GPC6: variants seen among roughly 807,000 people sequenced by gnomAD.
GPC6 encodes glypican 6, also known as glypican-6.
A neutral mutation model predicts 55.2 loss-of-function variants in GPC6; 14 were observed. The observed-to-expected ratio is 0.25, with a 90% CI of 0.17 to 0.40. The LOEUF (loss-of-function observed/expected upper bound fraction) is 0.40. GPC6 is among the 10% of genes least tolerant of loss of function. The probability of loss-of-function intolerance (pLI) is 1.00; values close to 1 mark genes in which losing one functional copy is unlikely to be tolerated. For synonymous variants in GPC6, 278 were observed against 259.6 expected, an observed-to-expected ratio of 1.07 and a Z score of -0.68; for missense variants, 641 against 708.5, an observed-to-expected ratio of 0.90 and a Z score of 1.08.
intron 3 of GPC6, among the ~76,000 whole-genome samples, chr13:94,011,072 C>T (rs1293830761): frequency 2.0e-5 from 3 of 152,076 alleles, no homozygotes; most frequent in Non-Finnish European, 4.4e-5. Context: ...TATGCAATAA[C>T]GCATTCTCAT....
At position 93,596,610 on chromosome 13, in the gene GPC6, A is replaced by T. The variant is rs9524140; in HGVS notation, c.319+51189A>T. 5.3e-3 allele frequency among the ~76,000 whole-genome samples: 708 copies of T among 132,778 alleles called. 4 individuals are homozygous for T. The highest frequency in any genetic ancestry group is 0.015 in the Middle Eastern group (4 of 264). 87.1% of individuals were successfully genotyped at this position (132,778 alleles called of 152,430 possible). On this transcript the variant is annotated intron_variant, in intron 2 of 8. Coordinates refer to ENST00000377047, the MANE Select transcript of GPC6 (RefSeq NM_005708.5). The stretch of plus-strand genomic sequence containing the variant: ...TGTGAAATAAATAAATAAATAAATA[A>T]ATATATATATATATATATATATATA...
chr13:93,503,527 C>T (rs923046628), intron 1 of GPC6, among the ~76,000 whole-genome samples: 11 of 152,186 alleles, frequency 7.2e-5, no homozygotes, highest in African/African-American at 2.4e-4. Flanking sequence ...GATTTTTCCT[C>T]TAGGTCAGTG....
chr13:94,090,087 A>AAG (rs3043343), intron 4 of GPC6, among the ~76,000 whole-genome samples: 150,930 of 152,198 alleles, frequency 0.99, 74,848 homozygotes, highest in East Asian at 1. Flanking sequence ...TATAAAGAAA[A>AAG]AGGTTTAATG....
chr13:94,257,119 T>C (rs1160902822), intron 4 of GPC6, among the ~76,000 whole-genome samples: 1 of 152,214 alleles, frequency 6.6e-6, no homozygotes, highest in East Asian at 1.9e-4. Flanking sequence ...TTGTTCTCTT[T>C]TTAGTTTTTA....
intron 3 of GPC6, among the ~76,000 whole-genome samples, chr13:93,938,846 G>A (rs1878574745): frequency 6.6e-6 from 1 of 152,214 alleles, no homozygotes; most frequent in Non-Finnish European, 1.5e-5. Flanking sequence ...GCTCACGCCT[G>A]TAATCCCAGC....
At chr13:93,686,121 G>A (rs974985367) in intron 2 of GPC6, among the ~76,000 whole-genome samples, 4 of 151,884 alleles carry the variant, frequency 2.6e-5, no homozygotes, top group African/African-American at 9.7e-5. Flanking sequence ...ATCTTATATT[G>A]TGTCCTATAT....
chr13:93,953,320 T>A (rs907656007), intron 3 of GPC6, among the ~76,000 whole-genome samples: 1 of 152,152 alleles, frequency 6.6e-6, no homozygotes, highest in Non-Finnish European at 1.5e-5. Context: ...CTTCATATTG[T>A]CATCTTTATC....
chr13:94,041,025 A>G (rs1463978329), intron 4 of GPC6, among the ~76,000 whole-genome samples: 1 of 151,840 alleles, frequency 6.6e-6, no homozygotes, highest in African/African-American at 2.4e-5. Context: ...ATTGATTCCT[A>G]TCCATTTTGA....
intron 2 of GPC6, among the ~76,000 whole-genome samples, chr13:93,751,229 G>A (rs542300703): frequency 3.9e-5 from 6 of 152,266 alleles, no homozygotes; most frequent in African/African-American, 1.4e-4. Flanking sequence ...TGTATGGAGT[G>A]GAGGCAGACT....
At chr13:94,194,445 T>C (rs1163546972) in intron 4 of GPC6, among the ~76,000 whole-genome samples, 1 of 152,140 alleles carries the variant, frequency 6.6e-6, no homozygotes, top group Non-Finnish European at 1.5e-5. Flanking sequence ...GTTAATGGCA[T>C]TCACAGCAAT....
chr13:93,840,278 A>G (rs191553788), intron 3 of GPC6, among the ~76,000 whole-genome samples: 11 of 152,298 alleles, frequency 7.2e-5, no homozygotes, highest in African/African-American at 2.6e-4. Flanking sequence ...AACTGACACC[A>G]CTGAAACACA....
At chr13:93,454,086 TCTCCAA>T (rs1878338244) in intron 1 of GPC6, among the ~76,000 whole-genome samples, 7 of 152,058 alleles carry the variant, frequency 4.6e-5, no homozygotes, top group Non-Finnish European at 7.4e-5. Flanking sequence ...ACACAAAGGT[TCTCCAA>T]GGCCCCACCA....
intron 3 of GPC6, among the ~76,000 whole-genome samples, chr13:93,930,919 C>T (rs1369187995): frequency 6.6e-6 from 1 of 152,014 alleles, no homozygotes; most frequent in Non-Finnish European, 1.5e-5. Context: ...AGGAAACTTA[C>T]AATCATGGTG....
chr13:94,218,446 C>T (rs769334566), intron 4 of GPC6, among the ~76,000 whole-genome samples: 1 of 152,160 alleles, frequency 6.6e-6, no homozygotes, highest in African/African-American at 2.4e-5. Context: ...TTGGGGCTAT[C>T]AAGACATCAC....
At chr13:93,237,675 C>T (rs559029322) in intron 1 of GPC6, among the ~76,000 whole-genome samples, 45 of 152,162 alleles carry the variant, frequency 3.0e-4, no homozygotes, top group South Asian at 4.1e-4. Context: ...TCTTAGGTTT[C>T]ATTCTATAAT....
intron 4 of GPC6, among the ~76,000 whole-genome samples, chr13:94,099,823 A>G (rs1231415685): frequency 3.9e-5 from 6 of 152,194 alleles, no homozygotes; most frequent in Non-Finnish European, 7.4e-5. Flanking sequence ...ATTATGTTTA[A>G]TGTTGGCAAG....
At chr13:94,282,558 T>G (rs2139079611) in intron 4 of GPC6, among the ~76,000 whole-genome samples, 1 of 152,286 alleles carries the variant, frequency 6.6e-6, no homozygotes, top group Admixed American at 6.5e-5. Context: ...GACCAGAAAT[T>G]CAGGCAAGGC....
At chr13:93,375,399 A>T (rs1207135063) in intron 1 of GPC6, among the ~76,000 whole-genome samples, 1 of 152,186 alleles carries the variant, frequency 6.6e-6, no homozygotes, top group Admixed American at 6.5e-5. Context: ...TTTTAACCTC[A>T]GCTTTACTTC....
At chr13:93,993,661 T>C (rs1267126991) in intron 3 of GPC6, among the ~76,000 whole-genome samples, 1 of 152,218 alleles carries the variant, frequency 6.6e-6, no homozygotes, top group Non-Finnish European at 1.5e-5. Context: ...ACATCTCATC[T>C]ACTGAAATTT....
Sources: gnomAD v4.1 joint callset for allele counts (sites outside exome capture counted in the v4.1 genomes callset) on GRCh38, gnomAD v4.1.1 for gene constraint, MANE v1.5 for transcripts, NCBI Gene and HGNC (gene_info 2026-07-23, HGNC 2026-07-21) for gene names.